The following ARFGEF2 variants were observed in gnomAD, a reference collection of about 807,000 sequenced individuals.
The protein encoded by ARFGEF2 is ARF guanine nucleotide exchange factor 2.
ARFGEF2 carries 74 observed loss-of-function variants against 219.9 expected under a neutral mutation model. The observed-to-expected ratio is 0.34, with a 90% CI of 0.28 to 0.41. The LOEUF is 0.41. Ranked by LOEUF, ARFGEF2 falls within the 10% of genes least tolerant of loss-of-function variation. The pLI, the probability that ARFGEF2 is intolerant of heterozygous loss-of-function variation, is 1.00. For synonymous variants in ARFGEF2, 733 were observed against 799.2 expected (o/e 0.92, Z 1.40); for missense variants, 1,743 against 2,218.3 (o/e 0.79, Z 4.30).
At chr20:48,924,510 T>TC (rs1294340487) in intron 1 of ARFGEF2, among the ~76,000 whole-genome samples, 1 of 32,008 alleles carries the variant, frequency 3.1e-5, no homozygotes, top group Admixed American at 4.9e-4. Flanking sequence ...AGACTCTGTC[T>TC]CAAAAAAAAA....
intron 1 of ARFGEF2, among the ~76,000 whole-genome samples, chr20:48,939,562 C>T (rs921732598): frequency 5.9e-5 from 9 of 152,150 alleles, no homozygotes; most frequent in Non-Finnish European, 8.8e-5. Flanking sequence ...TCATGGGCCT[C>T]TTCTAGTGGA....
At chr20:49,015,496 T>C (rs1401512090) in intron 30 of ARFGEF2, among the ~76,000 whole-genome samples, 4 of 152,238 alleles carry the variant, frequency 2.6e-5, no homozygotes, top group African/African-American at 9.6e-5. Flanking sequence ...TTTAGGTTGC[T>C]TTCCGGTTTT....
intron 1 of ARFGEF2, among the ~76,000 whole-genome samples, chr20:48,939,831 T>A (rs1409339682): frequency 6.6e-6 from 1 of 152,212 alleles, no homozygotes; most frequent in Non-Finnish European, 1.5e-5. Flanking sequence ...TGGAGTTACC[T>A]AAGAAAAGGA....
intron 25 of ARFGEF2, among the ~76,000 whole-genome samples, chr20:49,000,703 C>G (rs62210367): frequency 0.018 from 2,755 of 152,342 alleles, 44 homozygotes; most frequent in South Asian, 0.024. Context: ...ATTTATTCCA[C>G]AAGATCATTT....
intron 3 of ARFGEF2, among the ~76,000 whole-genome samples, chr20:48,948,438 A>T (rs1600600119): frequency 1.3e-5 from 2 of 152,172 alleles, no homozygotes; most frequent in African/African-American, 4.8e-5. Context: ...CTCCTTGGAG[A>T]CATGCCTCAG....
At chr20:48,940,715 C>A (rs1389021319) in intron 1 of ARFGEF2, among the ~76,000 whole-genome samples, 2 of 152,222 alleles carry the variant, frequency 1.3e-5, no homozygotes, top group African/African-American at 4.8e-5. Context: ...TGCTTCTCAT[C>A]AAGAGCAGTT....
At chr20:48,963,446 C>T (rs1445798923) in intron 6 of ARFGEF2, among the ~76,000 whole-genome samples, 1 of 152,124 alleles carries the variant, frequency 6.6e-6, no homozygotes, top group African/African-American at 2.4e-5. Flanking sequence ...GCTCGTTGGT[C>T]CCCGAGGCTA....
intron 33 of ARFGEF2, among the ~76,000 whole-genome samples, chr20:49,017,771 C>T (rs1032263834): frequency 1.3e-5 from 2 of 152,150 alleles, no homozygotes; most frequent in Admixed American, 6.5e-5. Context: ...TTCTAGCTGC[C>T]GCTTTGTGTG....
At chr20:48,986,153 C>A (rs911095432) in intron 16 of ARFGEF2, among the ~76,000 whole-genome samples, 3 of 152,124 alleles carry the variant, frequency 2.0e-5, no homozygotes, top group Non-Finnish European at 2.9e-5. Flanking sequence ...TAAATACCTC[C>A]TGTGTGTGGG....
intron 4 of ARFGEF2, 43 bp downstream of exon 4, chr20:48,951,512 C>T (rs781669835): frequency 6.2e-7 from 1 of 1,613,018 alleles, no homozygotes; most frequent in Admixed American, 1.7e-5. Context: ...AATTAGAAAG[C>T]AAGTCCCTGT....
chr20:49,005,755 A>G (rs955976720), intron 26 of ARFGEF2, among the ~76,000 whole-genome samples: 25 of 148,972 alleles, frequency 1.7e-4, no homozygotes, highest in African/African-American at 4.1e-4. Context: ...AAAAAAAAAA[A>G]AAAGAAAAGA....
At chr20:48,943,089 T>C (rs975005461) in intron 3 of ARFGEF2, among the ~76,000 whole-genome samples, 1 of 152,080 alleles carries the variant, frequency 6.6e-6, no homozygotes, top group African/African-American at 2.4e-5. Flanking sequence ...AACAGCAAAA[T>C]CACCAACAAA....
At position 49,019,281 on chromosome 20, in the gene ARFGEF2, G is replaced by C. The variant is rs730544; in HGVS notation, c.4624+283G>C. On this transcript the variant is annotated intron_variant, in intron 34 of 38. Coordinates refer to ENST00000371917, the MANE Select transcript of ARFGEF2 (RefSeq NM_006420.3). Reference sequence around the variant, plus strand: ...TGGAATAGTACATTCCATATACATTGACATATACATTCACACACATACATA... The same window carrying C: ...TGGAATAGTACATTCCATATACATTCACATATACATTCACACACATACATA... Among the ~76,000 whole-genome samples the C allele has an allele frequency of 0.37, 56,335 of 151,706 alleles. 11,189 individuals carry two copies. Among genetic ancestry groups the C allele is most frequent in the African/African-American group, 0.53 (21,858 of 41,400 alleles).
intron 1 of ARFGEF2, among the ~76,000 whole-genome samples, chr20:48,936,253 G>T (rs558226584): frequency 7.0e-6 from 1 of 142,638 alleles, no homozygotes; most frequent in Non-Finnish European, 1.5e-5. Context: ...GCGGGGGGCT[G>T]ACCCCCCCAC....
chr20:49,030,053 G>A (rs915613882), intron 37 of ARFGEF2, among the ~76,000 whole-genome samples: 5 of 151,754 alleles, frequency 3.3e-5, no homozygotes, highest in African/African-American at 7.3e-5. Context: ...GACTACAGGC[G>A]TGTGCCATCA....
At chr20:48,983,951 T>C (rs747205278) in intron 14 of ARFGEF2, among the ~76,000 whole-genome samples, 4 of 151,784 alleles carry the variant, frequency 2.6e-5, no homozygotes, top group Non-Finnish European at 4.4e-5. Context: ...TGGTGGCTCA[T>C]GCCCGTTATC....
rs912572475 is a variant in ARFGEF2 at position 48,991,073 on chromosome 20, C to T, written c.2848C>T (p.Arg950Cys). ...AGATGCCTATGTTCAGGCTCTTGCT[C>T]GCTTCTCCCTACTCACAGCCAGCTC... ...ERDAYVQALA[R>C]FSLLTASSSI... Residue 950 changes from arginine (R) to cysteine (C), a missense_variant, in exon 21 of 39, where the codon CGC becomes TGC. By Grantham distance (180) the Arg-to-Cys change is radical. Coordinates refer to ENST00000371917, the MANE Select transcript of ARFGEF2 (RefSeq NM_006420.3). The T allele has an allele frequency of 5.0e-6, 8 of 1,614,114 alleles. No individual in the cohort carries two copies. The highest frequency in any genetic ancestry group is 2.2e-5 in the South Asian group (2 of 91,072).
Position 49,013,848 on chromosome 20 carries a change from T to A in ARFGEF2, c.4067T>A (p.Phe1356Tyr). The change falls in exon 30 of 39, where the codon TTT (phenylalanine) becomes TAT (tyrosine). Residue 1356 changes from phenylalanine (F) to tyrosine (Y), a missense_variant. Around this residue, in one of 5 missense-constraint regions of ARFGEF2, gnomAD observed 578 missense variants for 664.0 expected, o/e 0.87. Coordinates refer to ENST00000371917, the MANE Select transcript of ARFGEF2 (RefSeq NM_006420.3). ...TCCTCCAGGGGACTCACAGTCATGTTTGAGATCATGAAGAGCTATGGCCAC... is the reference window on the plus strand; with the variant it reads ...TCCTCCAGGGGACTCACAGTCATGTATGAGATCATGAAGAGCTATGGCCAC... Reference protein sequence around the residue: ...DVRTRGLTVMFEIMKSYGHTF... With the variant: ...DVRTRGLTVMYEIMKSYGHTF... The A allele has an allele frequency of 6.2e-7, 1 of 1,614,152 alleles. No individual in the cohort carries two copies. The highest frequency in any genetic ancestry group is 8.5e-7 in the Non-Finnish European group (1 of 1,180,010).
intron 1 of ARFGEF2, among the ~76,000 whole-genome samples, chr20:48,927,148 G>T (rs547279225): frequency 2.0e-5 from 3 of 152,226 alleles, no homozygotes; most frequent in African/African-American, 7.2e-5. Flanking sequence ...AGGTAGAAAA[G>T]ATTTTAACTT....
Sources: allele counts gnomAD v4.1 joint callset (sites outside exome capture counted in the v4.1 genomes callset), GRCh38; gene constraint gnomAD v4.1.1; regional missense constraint gnomAD v4.1.1; transcripts MANE v1.5; gene names NCBI Gene and HGNC (gene_info 2026-07-23, HGNC 2026-07-21).